Variants in RAD18 observed in about 807,000 individuals in gnomAD.
RAD18 encodes the protein RAD18 E3 ubiquitin protein ligase.
In RAD18, 47 loss-of-function variants were observed where a neutral mutation model predicts 60.4. That is an observed-to-expected ratio of 0.78 (90% CI 0.62 to 0.99). The LOEUF is 0.99. Ranked by LOEUF, RAD18 falls within the 50% of genes least tolerant of loss-of-function variation. The probability of loss-of-function intolerance (pLI) is 0.00; values close to 1 mark genes in which losing one functional copy is unlikely to be tolerated. For missense variants in RAD18, 640 were observed against 593.3 expected (o/e 1.08, Z -0.82); for synonymous variants, 225 against 195.5 (o/e 1.15, Z -1.26).
intron 12 of RAD18, among the ~76,000 whole-genome samples, chr3:8,882,015 G>A (rs191758765): frequency 6.6e-6 from 1 of 152,208 alleles, no homozygotes; most frequent in Non-Finnish European, 1.5e-5. Context: ...CTGACACAAG[G>A]AGAGTCTGCA....
chr3:8,889,188 T>C (rs566437918), intron 12 of RAD18, among the ~76,000 whole-genome samples: 1 of 152,290 alleles, frequency 6.6e-6, no homozygotes, highest in African/African-American at 2.4e-5. Flanking sequence ...ACAGCAAGCC[T>C]CTCCACCTTT....
chr3:8,910,203 T>A (rs1376964692), intron 9 of RAD18, among the ~76,000 whole-genome samples: 1 of 152,232 alleles, frequency 6.6e-6, no homozygotes, highest in Admixed American at 6.5e-5. Context: ...TTATAATCAA[T>A]GTGTGTAAAT....
intron 11 of RAD18, among the ~76,000 whole-genome samples, chr3:8,892,033 T>G (rs559418088): frequency 6.6e-6 from 1 of 152,306 alleles, no homozygotes; most frequent in East Asian, 1.9e-4. Context: ...ATAAAAGCAA[T>G]TAATATTTTT....
chr3:8,881,186 T>A lies in RAD18; in HGVS notation c.*171A>T, dbSNP rs1939455410. 1 of 593,206 alleles carries A rather than the reference T, an allele frequency of 1.7e-6. No homozygotes were observed. Among genetic ancestry groups the A allele is most frequent in the Non-Finnish European group, 2.9e-6 (1 of 345,340 alleles). 36.7% of individuals were successfully genotyped at this position (593,206 alleles called of 1,614,324 possible). On this transcript the variant is annotated 3_prime_UTR_variant, in exon 13 of 13. Coordinates refer to ENST00000264926, the MANE Select transcript of RAD18 (RefSeq NM_020165.4). Reference sequence around the variant, plus strand: ...GGAGGCAACTGACCAAGTAAGGATATTTTGTAACATTTTTCCCCTCTGGAA... The same window carrying A: ...GGAGGCAACTGACCAAGTAAGGATAATTTGTAACATTTTTCCCCTCTGGAA...
chr3:8,899,420 ATTCAAC>A (rs1380429474), intron 10 of RAD18, among the ~76,000 whole-genome samples: 1 of 152,244 alleles, frequency 6.6e-6, no homozygotes, highest in Non-Finnish European at 1.5e-5. Flanking sequence ...AAGACTACAG[ATTCAAC>A]TAATAAGACA....
intron 7 of RAD18, among the ~76,000 whole-genome samples, chr3:8,917,444 G>A (rs1243635983): frequency 1.3e-5 from 2 of 152,066 alleles, no homozygotes; most frequent in African/African-American, 4.8e-5. Context: ...ACTGTTTAAT[G>A]GACAAACAAT....
At chr3:8,937,695 G>A (rs2124824834) in intron 6 of RAD18, among the ~76,000 whole-genome samples, 1 of 152,288 alleles carries the variant, frequency 6.6e-6, no homozygotes, top group East Asian at 1.9e-4. Context: ...TGGAAGTGAT[G>A]AGAACAGAAA....
chr3:8,906,434 C>A (rs939458893), intron 9 of RAD18, among the ~76,000 whole-genome samples: 2 of 152,134 alleles, frequency 1.3e-5, no homozygotes, highest in Non-Finnish European at 2.9e-5. Flanking sequence ...CCTTAATGGT[C>A]TCATTTCCTC....
At chr3:8,962,311 T>C (rs1941104235) in intron 1 of RAD18, among the ~76,000 whole-genome samples, 1 of 152,238 alleles carries the variant, frequency 6.6e-6, no homozygotes, top group Admixed American at 6.5e-5. Context: ...CACTGCATCC[T>C]GGTGCCAAGC....
chr3:8,901,638 T>A (rs1939914923), intron 10 of RAD18, among the ~76,000 whole-genome samples: 4 of 152,146 alleles, frequency 2.6e-5, no homozygotes, highest in African/African-American at 9.7e-5. Flanking sequence ...TTACCAGGGC[T>A]ATGAGGCAGA....
intron 7 of RAD18, among the ~76,000 whole-genome samples, chr3:8,926,672 C>T (rs1185716055): frequency 2.0e-5 from 3 of 152,238 alleles, no homozygotes; most frequent in Admixed American, 6.5e-5. Context: ...TACAAGGCTA[C>T]AGTAACCAAA....
intron 6 of RAD18, 107 bp from the exon 7 acceptor site, chr3:8,936,162 T>A: frequency 1.9e-6 from 2 of 1,056,976 alleles, no homozygotes; most frequent in Non-Finnish European, 2.6e-6. Context: ...GGGAAAATAG[T>A]AGAACCATTA....
chr3:8,882,853 C>T (rs963351439), intron 12 of RAD18, among the ~76,000 whole-genome samples: 3 of 152,220 alleles, frequency 2.0e-5, no homozygotes, highest in African/African-American at 7.2e-5. Context: ...ACTCCCCACA[C>T]TAATGACCCA....
At chr3:8,907,512 A>T (rs951480774) in intron 9 of RAD18, among the ~76,000 whole-genome samples, 1 of 152,066 alleles carries the variant, frequency 6.6e-6, no homozygotes, top group Non-Finnish European at 1.5e-5. Context: ...TCACCGCCCA[A>T]ATATTGCCTT....
intron 12 of RAD18, among the ~76,000 whole-genome samples, chr3:8,884,003 A>T (rs1337692208): frequency 2.6e-5 from 4 of 152,156 alleles, no homozygotes; most frequent in Non-Finnish European, 5.9e-5. Flanking sequence ...AGTAAAAATA[A>T]AGTAAAGATA....
intron 2 of RAD18, among the ~76,000 whole-genome samples, chr3:8,958,420 TAC>T (rs1206898164): frequency 2.0e-5 from 3 of 152,338 alleles, no homozygotes; most frequent in African/African-American, 7.2e-5. Flanking sequence ...TAAAGAGAAG[TAC>T]AAACAAATTC....
At chr3:8,897,150 A>T (rs1939800909) in intron 11 of RAD18, among the ~76,000 whole-genome samples, 1 of 152,224 alleles carries the variant, frequency 6.6e-6, no homozygotes, top group South Asian at 2.1e-4. Flanking sequence ...CCACTGCTAC[A>T]ACTAGACACT....
intron 4 of RAD18, among the ~76,000 whole-genome samples, chr3:8,945,157 A>G (rs2124834076): frequency 6.6e-6 from 1 of 152,370 alleles, no homozygotes; most frequent in Middle Eastern, 3.4e-3. Context: ...CAGCATCCAC[A>G]GATTTTGGTA....
chr3:8,963,442 C>A lies in RAD18; in HGVS notation c.-57G>T, dbSNP rs906730718. The A allele has an allele frequency of 2.0e-6, 3 of 1,471,354 alleles. No individual in the cohort carries two copies. The African/African-American group carries it at 4.3e-5, about 21-fold the overall frequency. The allele number at this position is 1,471,354 out of a possible 1,614,324, so 91.1% of individuals were successfully genotyped here. A position where few individuals can be genotyped will look rare whatever the true frequency, so the allele number is the denominator to read the frequency against. On this transcript the variant is annotated 5_prime_UTR_variant, in exon 1 of 13. Coordinates refer to ENST00000264926, the MANE Select transcript of RAD18 (RefSeq NM_020165.4). Reference sequence around the variant, plus strand: ...CCCACTAGCCTCCGGCGCTCCAACACCACTCGAAATTCCCCGCGCTACCGC... The same window carrying A: ...CCCACTAGCCTCCGGCGCTCCAACAACACTCGAAATTCCCCGCGCTACCGC...
Sources: gnomAD v4.1 joint callset for allele counts (sites outside exome capture counted in the v4.1 genomes callset) on GRCh38, gnomAD v4.1.1 for gene constraint, MANE v1.5 for transcripts, NCBI Gene and HGNC (gene_info 2026-07-23, HGNC 2026-07-21) for gene names.